The following SVOPL variants were observed in gnomAD, a reference collection of about 807,000 sequenced individuals.
The protein encoded by SVOPL is SVOP like, also known as putative transporter SVOPL.
Under a neutral mutation model 61.0 loss-of-function variants are expected in SVOPL, and 60 were observed. The ratio of observed to expected loss-of-function variants is 0.98; its 90% CI spans 0.80 to 1.22. The LOEUF is 1.22. Among genes scored for constraint, SVOPL ranks in the 50% most tolerant of loss-of-function variants. SVOPL has a pLI of 0.00. For synonymous variants in SVOPL, 279 were observed against 250.0 expected, an observed-to-expected ratio of 1.12 and a Z score of -1.09; for missense variants, 662 against 643.9, an observed-to-expected ratio of 1.03 and a Z score of -0.30.
intron 5 of SVOPL, chr7:138,662,812 G>T: frequency 1.6e-6 from 2 of 1,281,510 alleles, no homozygotes; most frequent in African/African-American, 1.5e-5. Flanking sequence ...ATCCTTCTGG[G>T]TAGAGATTTC....
intron 4 of SVOPL, among the ~76,000 whole-genome samples, chr7:138,667,279 T>A (rs1554472713): frequency 6.6e-6 from 1 of 152,220 alleles, no homozygotes; most frequent in Non-Finnish European, 1.5e-5. Flanking sequence ...AGACCCCCCA[T>A]GGAAAATTCT....
At chr7:138,621,870 C>CTATG (rs1563095588) in intron 13 of SVOPL, among the ~76,000 whole-genome samples, 20 of 22,976 alleles carry the variant, frequency 8.7e-4, no homozygotes, top group African/African-American at 1.3e-3. Flanking sequence ...ATCTATCTAT[C>CTATG]TATCTATCTA....
intron 14 of SVOPL, chr7:138,597,016 G>GTCT: frequency 8.7e-7 from 1 of 1,153,966 alleles, no homozygotes; most frequent in Non-Finnish European, 1.1e-6. Flanking sequence ...AATGTGTCTT[G>GTCT]TCTCCGGTTA....
At chr7:138,627,185 C>T (rs531081184) in intron 12 of SVOPL, among the ~76,000 whole-genome samples, 165 bp downstream of exon 12, 12 of 152,144 alleles carry the variant, frequency 7.9e-5, no homozygotes, top group East Asian at 1.9e-4. Flanking sequence ...AAGAGGGAAG[C>T]GGGGATAGTA....
At chr7:138,697,611 C>CA (rs397890852) in intron 1 of SVOPL, among the ~76,000 whole-genome samples, 1,253 of 69,774 alleles carry the variant, frequency 0.018, 24 homozygotes, top group Non-Finnish European at 0.027. Context: ...GACCCTGCCT[C>CA]AAAAAAAAAA....
intron 14 of SVOPL, among the ~76,000 whole-genome samples, chr7:138,607,856 GA>G (rs1798824328): frequency 6.6e-6 from 1 of 152,124 alleles, no homozygotes; most frequent in Non-Finnish European, 1.5e-5. Context: ...TTATAAACCT[GA>G]AAAACTCAAG....
chr7:138,651,026 A>G (rs1801407299), intron 7 of SVOPL, among the ~76,000 whole-genome samples: 2 of 151,332 alleles, frequency 1.3e-5, no homozygotes, highest in African/African-American at 4.9e-5. Context: ...CCTCTAATCA[A>G]TGGCCAGCAG....
chr7:138,629,307 T>C (rs1196117587), intron 10 of SVOPL, among the ~76,000 whole-genome samples: 6 of 151,590 alleles, frequency 4.0e-5, no homozygotes, highest in Admixed American at 2.6e-4. Flanking sequence ...CTCGGCTCAC[T>C]GCAACCTCCA....
At chr7:138,674,864 A>C (rs542012619) in intron 3 of SVOPL, among the ~76,000 whole-genome samples, 45 of 152,094 alleles carry the variant, frequency 3.0e-4, no homozygotes, top group African/African-American at 1.1e-3. Flanking sequence ...TCAAAAAAAA[A>C]AAAAAAAGAT....
intron 12 of SVOPL, 46 bp downstream of exon 12, chr7:138,627,304 T>C: frequency 2.0e-6 from 3 of 1,465,926 alleles, no homozygotes; most frequent in Non-Finnish European, 2.9e-6. Flanking sequence ...GGAGACTCCA[T>C]TTAGAAACCA....
intron 7 of SVOPL, among the ~76,000 whole-genome samples, chr7:138,651,570 CAT>C (rs1402419562): frequency 6.6e-6 from 1 of 152,160 alleles, no homozygotes; most frequent in East Asian, 1.9e-4. Flanking sequence ...GTGCTCACTT[CAT>C]ATCTCTGTCA....
chr7:138,631,216 G>A (rs1032658373), intron 9 of SVOPL, among the ~76,000 whole-genome samples: 7 of 152,030 alleles, frequency 4.6e-5, no homozygotes, highest in African/African-American at 1.7e-4. Context: ...TTTTTGTGGG[G>A]CACGTAGTAG....
chr7:138,642,831 C>CAAAA (rs749603417), intron 9 of SVOPL, among the ~76,000 whole-genome samples: 8 of 26,926 alleles, frequency 3.0e-4, no homozygotes, highest in South Asian at 2.0e-3. Context: ...CTCCTACCTC[C>CAAAA]AAAAAAAAAA....
chr7:138,667,271 A>AC (rs879277348), intron 4 of SVOPL, among the ~76,000 whole-genome samples: 6 of 151,984 alleles, frequency 3.9e-5, no homozygotes, highest in Admixed American at 1.3e-4. Flanking sequence ...CATCAGCCAG[A>AC]CCCCCCATGG....
At chr7:138,684,482 T>C (rs963752294) in intron 1 of SVOPL, among the ~76,000 whole-genome samples, 2 of 151,950 alleles carry the variant, frequency 1.3e-5, no homozygotes, top group African/African-American at 4.8e-5. Context: ...AAATTGCCGA[T>C]AGGCAGCCAG....
intron 5 of SVOPL, 113 bp from the exon 6 acceptor site, chr7:138,660,101 A>G: frequency 6.7e-7 from 1 of 1,486,754 alleles, no homozygotes; most frequent in Non-Finnish European, 9.0e-7. Flanking sequence ...TTCTCTGAGG[A>G]GCTAACCTGT....
At chr7:138,692,958 A>C (rs978186761) in intron 1 of SVOPL, among the ~76,000 whole-genome samples, 10 of 152,216 alleles carry the variant, frequency 6.6e-5, no homozygotes, top group African/African-American at 2.4e-4. Context: ...CCAAAGAATC[A>C]ACATGCTAAC....
intron 1 of SVOPL, among the ~76,000 whole-genome samples, chr7:138,692,587 T>C (rs1056049122): frequency 6.6e-6 from 1 of 152,190 alleles, no homozygotes; most frequent in Admixed American, 6.5e-5. Flanking sequence ...TAATATTTTG[T>C]TTCCATGATA....
chr7:138,621,822 G>GTATCTATCTATC (rs113136641), intron 13 of SVOPL, among the ~76,000 whole-genome samples: 10 of 13,420 alleles, frequency 7.5e-4, no homozygotes, highest in Admixed American at 2.7e-3. Flanking sequence ...ATGTATCTAT[G>GTATCTATCTATC]TATCTATGTA....
Sources: gnomAD v4.1 joint callset for allele counts (sites outside exome capture counted in the v4.1 genomes callset) on GRCh38, gnomAD v4.1.1 for gene constraint, MANE v1.5 for transcripts, NCBI Gene and HGNC (gene_info 2026-07-23, HGNC 2026-07-21) for gene names.